NCOA3: variants seen among roughly 807,000 people sequenced by gnomAD.
NCOA3 encodes the protein CBP-interacting protein.
In NCOA3, 51 loss-of-function variants were observed where a neutral mutation model predicts 158.8. That is an observed-to-expected ratio of 0.32 (90% CI 0.26 to 0.41). The LOEUF (loss-of-function observed/expected upper bound fraction) is 0.41, where lower values mean the gene tolerates loss of function less well. Among genes scored for constraint, NCOA3 ranks in the 10% least tolerant of loss-of-function variants. NCOA3 has a pLI of 1.00. For synonymous variants in NCOA3, 537 were observed against 592.4 expected (o/e 0.91, Z 1.36); for missense variants, 1,510 against 1,746.6 (o/e 0.86, Z 2.41).
At chr20:47,577,811 A>T (rs1219766811) in intron 1 of NCOA3, among the ~76,000 whole-genome samples, 1 of 152,202 alleles carries the variant, frequency 6.6e-6, no homozygotes, top group Non-Finnish European at 1.5e-5. Context: ...GTCTGTTTTC[A>T]CTGCGTTATT....
At chr20:47,639,299 T>C in intron 14 of NCOA3, 97 bp downstream of exon 14, 25 of 1,065,748 alleles carry the variant, frequency 2.3e-5, no homozygotes, top group Non-Finnish European at 3.4e-5. Context: ...TAATAACTTT[T>C]TGAATAACGT....
At chr20:47,502,450 A>G (rs2083950285) in intron 1 of NCOA3, among the ~76,000 whole-genome samples, 1 of 152,018 alleles carries the variant, frequency 6.6e-6, no homozygotes, top group African/African-American at 2.4e-5. Context: ...GACGCACGGG[A>G]GGGAAAAGCC....
chr20:47,613,931 T>A (rs188418460), intron 2 of NCOA3, among the ~76,000 whole-genome samples: 32 of 151,770 alleles, frequency 2.1e-4, no homozygotes, highest in Admixed American at 2.0e-3. Flanking sequence ...TTAAAAAAAA[T>A]TTTCTTTTCT....
intron 1 of NCOA3, among the ~76,000 whole-genome samples, chr20:47,557,088 T>A (rs2085019278): frequency 1.3e-5 from 2 of 152,318 alleles, no homozygotes; most frequent in South Asian, 4.1e-4. Flanking sequence ...AAGAACATCC[T>A]TTTTCTCCCA....
chr20:47,512,587 A>AAAAAC (rs1569311524), intron 1 of NCOA3, among the ~76,000 whole-genome samples: 10 of 144,552 alleles, frequency 6.9e-5, no homozygotes, highest in South Asian at 2.2e-4. Context: ...AAAAAAAAAA[A>AAAAAC]AACACAAAAG....
At chr20:47,572,015 A>AC (rs1357326937) in intron 1 of NCOA3, among the ~76,000 whole-genome samples, 2 of 152,160 alleles carry the variant, frequency 1.3e-5, no homozygotes, top group African/African-American at 4.8e-5. Context: ...GGTGTGAGCC[A>AC]CTACACCTGG....
At chr20:47,525,051 T>C (rs953239053) in intron 1 of NCOA3, among the ~76,000 whole-genome samples, 8 of 148,836 alleles carry the variant, frequency 5.4e-5, no homozygotes, top group African/African-American at 2.0e-4. Context: ...AACAAAGGTC[T>C]CTGGTTTTCC....
chr20:47,515,374 G>A (rs2084215404), intron 1 of NCOA3, among the ~76,000 whole-genome samples: 2 of 150,856 alleles, frequency 1.3e-5, no homozygotes, highest in East Asian at 2.0e-4. Flanking sequence ...TCTTAGTCTT[G>A]AACTCCTGAT....
At chr20:47,617,282 T>C (rs745373757) in intron 2 of NCOA3, among the ~76,000 whole-genome samples, 14 of 152,200 alleles carry the variant, frequency 9.2e-5, no homozygotes, top group African/African-American at 3.4e-4. Flanking sequence ...TCAAACTTAG[T>C]GTGAGACTGT....
intron 1 of NCOA3, among the ~76,000 whole-genome samples, chr20:47,543,730 G>A (rs905422357): frequency 9.2e-5 from 14 of 152,194 alleles, no homozygotes; most frequent in African/African-American, 3.4e-4. Context: ...GGCTGGTCTC[G>A]AATTCCTGAC....
Position 47,650,975 on chromosome 20 carries a change from G to T in NCOA3, c.3652-7G>T. The stretch of plus-strand genomic sequence containing the variant: ...TATATGTAATTGCACTCTTTCTTGG[G>T]TATTAGCAGGGTTTTCTTAATGCTC... On this transcript the variant is annotated splice_region_variant and splice_polypyrimidine_tract_variant and intron_variant, in intron 19 of 22. Coordinates refer to ENST00000371998, the MANE Select transcript of NCOA3 (RefSeq NM_181659.3). 6.2e-7 allele frequency: 1 copy of T among 1,613,026 alleles called. No individual in the cohort carries two copies. Among genetic ancestry groups the T allele is most frequent in the South Asian group, 1.1e-5 (1 of 91,066 alleles).
chr20:47,562,093 T>C (rs2085116390), intron 1 of NCOA3, among the ~76,000 whole-genome samples: 1 of 152,200 alleles, frequency 6.6e-6, no homozygotes, highest in Non-Finnish European at 1.5e-5. Flanking sequence ...TATGACTTGA[T>C]AGCGTATTTC....
chr20:47,575,469 TAAG>T (rs1348132291), intron 1 of NCOA3, among the ~76,000 whole-genome samples: 1 of 152,184 alleles, frequency 6.6e-6, no homozygotes, highest in Non-Finnish European at 1.5e-5. Flanking sequence ...AATGTCGAAT[TAAG>T]AAAAAACTAT....
At chr20:47,557,429 G>GA (rs1405820974) in intron 1 of NCOA3, among the ~76,000 whole-genome samples, 1 of 152,200 alleles carries the variant, frequency 6.6e-6, no homozygotes, top group East Asian at 1.9e-4. Flanking sequence ...TTGAGGGTCA[G>GA]AGAGGTGAAA....
chr20:47,531,339 T>A (rs201183626), intron 1 of NCOA3, among the ~76,000 whole-genome samples: 4 of 150,458 alleles, frequency 2.7e-5, no homozygotes, highest in South Asian at 2.1e-4. Context: ...CGAGACTATC[T>A]CAAACAAACA....
At chr20:47,641,330 T>C (rs867997108) in intron 16 of NCOA3, among the ~76,000 whole-genome samples, 15 of 144,132 alleles carry the variant, frequency 1.0e-4, no homozygotes, top group East Asian at 7.9e-4. Context: ...ATTTCTTTTT[T>C]TTTTTTTTTT....
rs536136828 is a variant in NCOA3, at chr20:47,572,529, G to GC, written c.-98-10646dup. On this transcript the variant is annotated intron_variant, in intron 1 of 22. Coordinates refer to ENST00000371998, the MANE Select transcript of NCOA3 (RefSeq NM_181659.3). ...TCCTCACTAAGCTTAATCATTTCTA[G>GC]CCCCCCCCACCTGCCTTTTTTTTTT... Among the ~76,000 whole-genome samples the GC allele has an allele frequency of 4.7e-4, 71 of 150,260 alleles. No homozygotes were observed. In the South Asian group the frequency reaches 5.7e-3, roughly 12 times the overall value.
rs1458464982 is a variant in NCOA3, at chr20:47,654,850, G to GT, written c.*1434dup. ...CCGAAATAATAGCAATTCATGGGCT[G>GT]TGTGTGTGTGTGTATGTGTGTGTGT... is the stretch of plus-strand genomic sequence containing the variant. On this transcript the variant is annotated 3_prime_UTR_variant, in exon 23 of 23. Coordinates refer to ENST00000371998, the MANE Select transcript of NCOA3 (RefSeq NM_181659.3). 6.9e-6 allele frequency: 1 copy of GT among 145,700 alleles called. No homozygotes were observed. The highest frequency in any genetic ancestry group is 1.5e-5 in the Non-Finnish European group (1 of 66,656). The allele number at this position is 145,700 out of a possible 1,614,324, so 9.0% of individuals were successfully genotyped here.
At chr20:47,584,735 A>C (rs2085508171) in intron 2 of NCOA3, among the ~76,000 whole-genome samples, 1 of 152,212 alleles carries the variant, frequency 6.6e-6, no homozygotes, top group Admixed American at 6.5e-5. Context: ...GAGGAGAAAG[A>C]AGAGGAAATG....
Sources: allele counts gnomAD v4.1 joint callset (sites outside exome capture counted in the v4.1 genomes callset), GRCh38; gene constraint gnomAD v4.1.1; transcripts MANE v1.5; gene names NCBI Gene and HGNC (gene_info 2026-07-23, HGNC 2026-07-21).